Variants in SNTG1 observed in about 807,000 individuals in gnomAD.
SNTG1 encodes syntrophin gamma 1.
A neutral mutation model predicts 74.7 loss-of-function variants in SNTG1; 39 were observed. The observed-to-expected ratio is 0.52, with a 90% CI of 0.40 to 0.68. The LOEUF is 0.68. Among genes scored for constraint, SNTG1 ranks in the 30% least tolerant of loss-of-function variants. The pLI is 0.00. For synonymous variants in SNTG1, 254 were observed against 217.1 expected (o/e 1.17, Z -1.49); for missense variants, 685 against 609.5 (o/e 1.12, Z -1.30).
rs186529852 is a variant in SNTG1, at chr8:50,269,218, A to G, written c.-28+96583A>G. 1.6e-3 allele frequency among the ~76,000 whole-genome samples: 248 copies of G among 152,334 alleles called. 2 individuals carry two copies. The highest frequency in any genetic ancestry group is 0.014 in the Middle Eastern group (4 of 294). On this transcript the variant is annotated intron_variant, in intron 2 of 18. Coordinates refer to ENST00000642720, the MANE Select transcript of SNTG1 (RefSeq NM_018967.5). ...ATTGAAAGTATGATTCATAAAAGGA[A>G]GAATTCATAAATTGGGCTTTATAAA... is the stretch of plus-strand genomic sequence containing the variant.
In SNTG1 at chr8:50,065,377, A is replaced by G. The variant is rs559573069; in HGVS notation, c.-102-107184A>G. 5.2e-4 allele frequency among the ~76,000 whole-genome samples: 79 copies of G among 152,310 alleles called. 1 individual carries two copies. The South Asian group carries it at 8.7e-3, about 17-fold the overall frequency. On this transcript the variant is annotated intron_variant, in intron 1 of 18. Transcript: ENST00000642720. ...TTTTACATAACAAATATCCTGAGGC[A>G]AGCAAATGAACAAATAAAAAGATGC...
At chr8:50,219,815 A>T (rs1251015083) in intron 2 of SNTG1, among the ~76,000 whole-genome samples, 1 of 152,178 alleles carries the variant, frequency 6.6e-6, no homozygotes, top group African/African-American at 2.4e-5. Flanking sequence ...TCAACCAATA[A>T]CAAAGTAGCA....
At chr8:50,116,900 G>T (rs952940526) in intron 1 of SNTG1, among the ~76,000 whole-genome samples, 1 of 151,988 alleles carries the variant, frequency 6.6e-6, no homozygotes, top group East Asian at 1.9e-4. Flanking sequence ...GAACTGCAAA[G>T]GAGTCAAAAA....
rs373419914 is a variant in SNTG1 at position 50,727,526 on chromosome 8, G to T, written c.1284+18548G>T. Among the ~76,000 whole-genome samples, 8 of 152,200 alleles carry T rather than the reference G, an allele frequency of 5.3e-5. No homozygotes were observed. The South Asian group carries it at 1.7e-3, about 32-fold the overall frequency. On this transcript the variant is annotated intron_variant, in intron 17 of 18. Coordinates refer to ENST00000642720, the MANE Select transcript of SNTG1 (RefSeq NM_018967.5). ...CCCACTGGCTTTTTATGCTAAAGTG[G>T]GCCCATCCAGGTGCATTTTGGATTC... is the stretch of plus-strand genomic sequence containing the variant.
intron 8 of SNTG1, among the ~76,000 whole-genome samples, chr8:50,460,911 CTT>C (rs1273955878): frequency 6.6e-6 from 1 of 151,968 alleles, no homozygotes; most frequent in Non-Finnish European, 1.5e-5. Context: ...ATATTAATAT[CTT>C]TTGATATTAT....
chr8:50,672,191 T>C (rs1007321292), intron 15 of SNTG1, among the ~76,000 whole-genome samples: 19 of 151,744 alleles, frequency 1.3e-4, no homozygotes, highest in African/African-American at 4.6e-4. Context: ...ACTTAAAGTA[T>C]AATAATAATA....
At chr8:50,789,683 CCT>C (rs1447992084) in intron 18 of SNTG1, among the ~76,000 whole-genome samples, 3 of 151,980 alleles carry the variant, frequency 2.0e-5, no homozygotes, top group African/African-American at 7.2e-5. Flanking sequence ...AAATTCAACC[CCT>C]TTCCATATAG....
intron 1 of SNTG1, among the ~76,000 whole-genome samples, chr8:49,926,102 A>G (rs530159692): frequency 9.2e-5 from 14 of 152,290 alleles, no homozygotes; most frequent in African/African-American, 3.4e-4. Context: ...TTTCTCTATT[A>G]GTTTCAGATA....
intron 17 of SNTG1, among the ~76,000 whole-genome samples, chr8:50,739,101 G>C (rs540347899): frequency 4.4e-4 from 67 of 151,434 alleles, no homozygotes; most frequent in South Asian, 8.3e-4. Context: ...CACAGCGAAA[G>C]AGACTATCAT....
chr8:50,373,021 A>C (rs910156986), intron 2 of SNTG1, among the ~76,000 whole-genome samples: 12 of 152,320 alleles, frequency 7.9e-5, no homozygotes, highest in African/African-American at 2.2e-4. Flanking sequence ...ACATTTAGCT[A>C]TTCTGCATGT....
intron 2 of SNTG1, among the ~76,000 whole-genome samples, chr8:50,378,414 C>T (rs1355941680): frequency 6.6e-6 from 1 of 152,146 alleles, no homozygotes; most frequent in Non-Finnish European, 1.5e-5. Flanking sequence ...TCTTCGCCTG[C>T]AACATGATGA....
chr8:50,432,644 A>C (rs1056110211), intron 4 of SNTG1, among the ~76,000 whole-genome samples: 9 of 152,092 alleles, frequency 5.9e-5, no homozygotes, highest in African/African-American at 2.2e-4. Context: ...TCAATTCATG[A>C]ATACGGTTAT....
chr8:50,399,380 G>C (rs2092771449), intron 3 of SNTG1, among the ~76,000 whole-genome samples: 1 of 152,200 alleles, frequency 6.6e-6, no homozygotes, highest in South Asian at 2.1e-4. Flanking sequence ...GTATTTAAGT[G>C]AATGATAGCT....
At chr8:50,560,341 C>G (rs2094480019) in intron 12 of SNTG1, among the ~76,000 whole-genome samples, 1 of 152,112 alleles carries the variant, frequency 6.6e-6, no homozygotes, top group Non-Finnish European at 1.5e-5. Context: ...ACAGAAATAC[C>G]ATTTGACCCA....
intron 6 of SNTG1, 112 bp from the exon 7 acceptor site, chr8:50,450,444 T>G (rs1378038758): frequency 9.0e-7 from 1 of 1,113,348 alleles, no homozygotes. Context: ...GCTAACCATA[T>G]AAGACACTTA....
chr8:50,665,686 C>T (rs1222302581), intron 15 of SNTG1, among the ~76,000 whole-genome samples: 1 of 152,048 alleles, frequency 6.6e-6, no homozygotes, highest in African/African-American at 2.4e-5. Context: ...GATGAAAAGA[C>T]ATAAAAGCAA....
chr8:50,586,652 TACACAC>T (rs3036686), intron 12 of SNTG1, among the ~76,000 whole-genome samples: 3 of 149,312 alleles, frequency 2.0e-5, no homozygotes, highest in South Asian at 2.1e-4. Flanking sequence ...ATTTCATTAA[TACACAC>T]ACACACACAC....
At chr8:50,534,232 G>T (rs188123723) in intron 10 of SNTG1, among the ~76,000 whole-genome samples, 1 of 152,098 alleles carries the variant, frequency 6.6e-6, no homozygotes, top group African/African-American at 2.4e-5. Context: ...CCCTTTGCTG[G>T]CTGGGTGACT....
intron 2 of SNTG1, among the ~76,000 whole-genome samples, chr8:50,376,618 T>A (rs958909176): frequency 6.6e-6 from 1 of 151,286 alleles, no homozygotes; most frequent in East Asian, 1.9e-4. Flanking sequence ...TTTCAGAGTC[T>A]TCATCAAATT....
Sources: gnomAD v4.1 joint callset for allele counts (sites outside exome capture counted in the v4.1 genomes callset) on GRCh38, gnomAD v4.1.1 for gene constraint, MANE v1.5 for transcripts, NCBI Gene and HGNC (gene_info 2026-07-23, HGNC 2026-07-21) for gene names.